STXBP5L: variants seen among roughly 807,000 people sequenced by gnomAD.
STXBP5L encodes the protein syntaxin-binding protein 5-like.
A neutral mutation model predicts 144.5 loss-of-function variants in STXBP5L; 65 were observed. The observed-to-expected ratio is 0.45, with a 90% CI of 0.37 to 0.55. The LOEUF is 0.55. STXBP5L is among the 20% of genes least tolerant of loss of function. The pLI is 0.00. For synonymous variants in STXBP5L, 505 were observed against 469.6 expected, an observed-to-expected ratio of 1.08 and a Z score of -0.97; for missense variants, 1,298 against 1,405.5, an observed-to-expected ratio of 0.92 and a Z score of 1.22.
Position 121,115,399 on chromosome 3 carries a change from AATC to A in STXBP5L, c.605+343_605+345del, listed in dbSNP as rs1235742787. ...AGAATGAATTGTGTTATGTAAAAAT[AATC>A]ATGATCACTGCATATGATTTTAATG... On this transcript the variant is annotated intron_variant, in intron 6 of 26. Transcript: ENST00000471454. Among the ~76,000 whole-genome samples, 7 of 152,336 alleles carry A rather than the reference AATC, an allele frequency of 4.6e-5. No homozygotes were observed. The South Asian group carries it at 1.4e-3, about 32-fold the overall frequency.
At chr3:121,263,583 AG>A (rs2108398190) in intron 18 of STXBP5L, among the ~76,000 whole-genome samples, 1 of 152,324 alleles carries the variant, frequency 6.6e-6, no homozygotes, top group African/African-American at 2.4e-5. Context: ...AGAAAAGGTT[AG>A]AGGAACAGCT....
chr3:121,087,675 T>A (rs2042563397), intron 5 of STXBP5L, among the ~76,000 whole-genome samples: 1 of 152,028 alleles, frequency 6.6e-6, no homozygotes, highest in Non-Finnish European at 1.5e-5. Context: ...TAATTATTGA[T>A]ATATTAGGGC....
intron 3 of STXBP5L, among the ~76,000 whole-genome samples, chr3:121,020,970 G>A (rs1404798185): frequency 6.6e-6 from 1 of 151,938 alleles, no homozygotes. Context: ...GAAAGATATA[G>A]AGTGGCAAAA....
intron 23 of STXBP5L, among the ~76,000 whole-genome samples, chr3:121,409,298 A>G (rs938613955): frequency 6.6e-6 from 1 of 151,946 alleles, no homozygotes; most frequent in Non-Finnish European, 1.5e-5. Flanking sequence ...ATAGGAAAGG[A>G]CCAGAATTGT....
intron 5 of STXBP5L, among the ~76,000 whole-genome samples, chr3:121,065,505 A>G (rs573936033): frequency 1.3e-5 from 2 of 152,294 alleles, no homozygotes; most frequent in East Asian, 1.9e-4. Context: ...GTGACTTAAC[A>G]CACATTTATT....
At chr3:121,110,384 T>C (rs539893329) in intron 5 of STXBP5L, among the ~76,000 whole-genome samples, 1 of 152,332 alleles carries the variant, frequency 6.6e-6, no homozygotes, top group South Asian at 2.1e-4. Flanking sequence ...GTTTTCATAT[T>C]TAGTGCTTCC....
At chr3:121,332,124 T>C (rs1577477450) in intron 20 of STXBP5L, among the ~76,000 whole-genome samples, 2 of 145,276 alleles carry the variant, frequency 1.4e-5, no homozygotes, top group South Asian at 4.3e-4. Context: ...AATCCAAAAA[T>C]AATTAAAAGA....
In STXBP5L at chr3:121,419,209, T is replaced by C; in HGVS notation, c.*112T>C. On this transcript the variant is annotated 3_prime_UTR_variant, in exon 27 of 27. Transcript: ENST00000471454. ...CAGTTTCTTCTACAAAATGTTCCAT[T>C]TACAGTCAATCTGAAATTTTCATAA... 1 of 1,042,790 alleles carries C rather than the reference T, an allele frequency of 9.6e-7. No homozygotes were observed. The highest frequency in any genetic ancestry group is 1.4e-6 in the Non-Finnish European group (1 of 720,908). The allele number at this position is 1,042,790 out of a possible 1,614,324, so 64.6% of individuals were successfully genotyped here. A position where few individuals can be genotyped will look rare whatever the true frequency, so the allele number is the denominator to read the frequency against.
At chr3:120,995,288 C>A (rs972680819) in intron 3 of STXBP5L, among the ~76,000 whole-genome samples, 11 of 152,064 alleles carry the variant, frequency 7.2e-5, no homozygotes, top group Admixed American at 2.6e-4. Context: ...GCTGGGATCG[C>A]AGGAGTGTTC....
intron 5 of STXBP5L, among the ~76,000 whole-genome samples, chr3:121,053,443 C>T (rs1195054253): frequency 2.0e-5 from 3 of 152,136 alleles, no homozygotes; most frequent in South Asian, 2.1e-4. Flanking sequence ...TTCTGCATAT[C>T]TACAACCATC....
rs1367313225 is a variant in STXBP5L, at chr3:121,255,035, A to G, written c.1582A>G (p.Ile528Val). ...GATTTACTGGTGTCCAGAGAGCAGA[A>G]TATTCTGTGTATCAGGAGTCTCTGC... Reference protein sequence around the residue: ...QMIYWCPESRIFCVSGVSAYV... With the variant: ...QMIYWCPESRVFCVSGVSAYV... Residue 528 changes from isoleucine (I) to valine (V), a missense_variant, in exon 16 of 27, where the codon ATA (isoleucine) becomes GTA (valine). Ile to Val is a conservative substitution (Grantham distance 29). Coordinates refer to ENST00000471454, the MANE Select transcript of STXBP5L (RefSeq NM_001308330.2). The G allele has an allele frequency of 6.2e-7, 1 of 1,613,438 alleles. No homozygotes were observed. Among genetic ancestry groups the G allele is most frequent in the African/African-American group, 1.3e-5 (1 of 74,926 alleles).
At position 121,418,372 on chromosome 3, in the gene STXBP5L, C is replaced by T. The variant is rs781258618; in HGVS notation, c.3262C>T (p.Leu1088Phe). 1.5e-5 allele frequency: 24 copies of T among 1,613,928 alleles called. No individual in the cohort carries two copies. Among genetic ancestry groups the T allele is most frequent in the Non-Finnish European group, 1.9e-5 (23 of 1,179,902 alleles). Residue 1088 changes from leucine to phenylalanine, a missense_variant, in exon 26 of 27, where the codon CTT becomes TTT. By Grantham distance (22) the Leu-to-Phe change is conservative. Coordinates refer to ENST00000471454, the MANE Select transcript of STXBP5L (RefSeq NM_001308330.2). ...TTCGGCAGGAAAAGCATCCCGCAGCCTTGCGCAACACATTCCTGGACCAGG... is the reference window on the plus strand; with the variant it reads ...TTCGGCAGGAAAAGCATCCCGCAGCTTTGCGCAACACATTCCTGGACCAGG... ...EASAGKASRSLAQHIPGPGSI... is the reference protein window; with the variant it reads ...EASAGKASRSFAQHIPGPGSI...
chr3:121,036,784 T>TA (rs1032978830), intron 3 of STXBP5L, among the ~76,000 whole-genome samples: 2 of 123,868 alleles, frequency 1.6e-5, no homozygotes, highest in African/African-American at 7.0e-5. Flanking sequence ...TTTTTTTTTT[T>TA]TTTTTTTTAT....
chr3:121,267,320 C>G (rs575799788), intron 18 of STXBP5L, among the ~76,000 whole-genome samples: 7 of 152,304 alleles, frequency 4.6e-5, no homozygotes, highest in African/African-American at 1.7e-4. Context: ...AAAGAATTCC[C>G]TATTTAATAA....
At chr3:121,219,514 A>G (rs2048910199) in intron 10 of STXBP5L, among the ~76,000 whole-genome samples, 1 of 152,158 alleles carries the variant, frequency 6.6e-6, no homozygotes. Context: ...AGCTATGTAT[A>G]TGGGAATCAT....
intron 10 of STXBP5L, among the ~76,000 whole-genome samples, chr3:121,208,979 T>C (rs2048447433): frequency 6.6e-6 from 1 of 152,008 alleles, no homozygotes; most frequent in Non-Finnish European, 1.5e-5. Context: ...CCATGTATTC[T>C]CATTGTTCGA....
chr3:121,304,389 C>T (rs554582655), intron 19 of STXBP5L, among the ~76,000 whole-genome samples: 2 of 152,192 alleles, frequency 1.3e-5, no homozygotes, highest in South Asian at 2.1e-4. Context: ...GATCTAATAA[C>T]ATACACACCT....
In STXBP5L at chr3:121,051,176, C is replaced by T. The variant is rs562427900; in HGVS notation, c.470+5641C>T. Among the ~76,000 whole-genome samples, 906 of 152,122 alleles carry T rather than the reference C, an allele frequency of 6.0e-3. 8 individuals are homozygous for T. Among genetic ancestry groups the T allele is most frequent in the African/African-American group, 0.02 (833 of 41,498 alleles). On this transcript the variant is annotated intron_variant, in intron 5 of 26. Transcript: ENST00000471454. The stretch of plus-strand genomic sequence containing the variant: ...CCACTGTCAACATTAGACAGATCAA[C>T]GAGACAGAAAGTTAACAAGGATACC...
At chr3:121,199,529 G>T (rs2048055776) in intron 9 of STXBP5L, among the ~76,000 whole-genome samples, 1 of 152,186 alleles carries the variant, frequency 6.6e-6, no homozygotes, top group African/African-American at 2.4e-5. Context: ...TTGAATAGGA[G>T]TGGTGAGAGA....
Sources: allele counts gnomAD v4.1 joint callset (sites outside exome capture counted in the v4.1 genomes callset), GRCh38; gene constraint gnomAD v4.1.1; transcripts MANE v1.5; gene names NCBI Gene and HGNC (gene_info 2026-07-23, HGNC 2026-07-21).